The following SNAP91 variants were observed in gnomAD, a reference collection of about 807,000 sequenced individuals.
SNAP91 encodes clathrin coat assembly protein AP180.
A neutral mutation model predicts 100.3 loss-of-function variants in SNAP91; 27 were observed. The observed-to-expected ratio is 0.27, with a 90% confidence interval of 0.20 to 0.37. The LOEUF (loss-of-function observed/expected upper bound fraction) is 0.37. SNAP91 is among the 10% of genes least tolerant of loss of function. SNAP91 has a pLI of 1.00. For missense variants in SNAP91, 986 were observed against 1,123.7 expected (o/e 0.88, Z 1.75); for synonymous variants, 404 against 398.6 (o/e 1.01, Z -0.16).
At chr6:83,690,185 T>A (rs2099113401) in intron 2 of SNAP91, 1 of 693,824 alleles carries the variant, frequency 1.4e-6, no homozygotes, top group Non-Finnish European at 1.8e-6. Context: ...AGCAATAACT[T>A]AATTTGAATA....
At chr6:83,641,244 T>C in intron 7 of SNAP91, 42 bp from the exon 8 acceptor site, 3 of 892,566 alleles carry the variant, frequency 3.4e-6, no homozygotes, top group Non-Finnish European at 5.0e-6. Flanking sequence ...AAGAGTATTA[T>C]GTTCTATTTT....
chr6:83,671,788 G>T (rs1244481179), intron 2 of SNAP91, among the ~76,000 whole-genome samples: 1 of 151,936 alleles, frequency 6.6e-6, no homozygotes, highest in African/African-American at 2.4e-5. Flanking sequence ...TCAAATTTGT[G>T]GTCACCTACT....
chr6:83,573,727 G>T (rs1812831730), intron 26 of SNAP91, among the ~76,000 whole-genome samples: 1 of 152,200 alleles, frequency 6.6e-6, no homozygotes, highest in African/African-American at 2.4e-5. Context: ...AATAAATGAT[G>T]CTGGGAAAAC....
chr6:83,648,478 A>G (rs2098054428), intron 7 of SNAP91, among the ~76,000 whole-genome samples: 1 of 151,988 alleles, frequency 6.6e-6, no homozygotes, highest in Non-Finnish European at 1.5e-5. Context: ...CCAGGATATG[A>G]TCCTAGTGGG....
rs771542709 is a variant in SNAP91, at chr6:83,665,468, T to C, written c.244A>G (p.Thr82Ala). The change falls in exon 3 of 30, where the codon ACA becomes GCA. Residue 82 changes from threonine (T) to alanine (A), a missense_variant. By Grantham distance (58) the Thr-to-Ala change is moderately conservative. Coordinates refer to ENST00000369694, the MANE Select transcript of SNAP91 (RefSeq NM_001242792.2). Reference protein sequence around the residue: ...WVVVFKALVTTHHLMVHGNER... With the variant: ...WVVVFKALVTAHHLMVHGNER... ...TTTCCATGCACCATGAGATGATGTG[T>C]TGTCACTAAAGCCTTAAACACAACC... is the stretch of plus-strand genomic sequence containing the variant. The C allele has an allele frequency of 6.2e-7, 1 of 1,612,860 alleles. No homozygotes were observed. The highest frequency in any genetic ancestry group is 1.7e-5 in the Admixed American group (1 of 59,934).
chr6:83,598,182 T>C (rs2094708846), intron 16 of SNAP91, among the ~76,000 whole-genome samples: 1 of 152,200 alleles, frequency 6.6e-6, no homozygotes, highest in African/African-American at 2.4e-5. Context: ...TTTTTAAGGA[T>C]TTTGCCTTTT....
Position 83,560,721 on chromosome 6 carries a change from G to A in SNAP91, c.2526+143C>T, listed in dbSNP as rs546281807. 2.6e-4 allele frequency: 179 copies of A among 695,264 alleles called. 3 individuals carry two copies. In the South Asian group the frequency reaches 2.7e-3, roughly 11 times the overall value. The allele number at this position is 695,264 out of a possible 1,614,324, so 43.1% of individuals were successfully genotyped here. ...ATCACTTCATGTGTAGACTACCTAAGGTTTAAAGCAGATGACAACTTTTTA... is the reference window on the plus strand; with the variant it reads ...ATCACTTCATGTGTAGACTACCTAAAGTTTAAAGCAGATGACAACTTTTTA... On this transcript the variant is annotated intron_variant, in intron 27 of 29. Coordinates refer to ENST00000369694, the MANE Select transcript of SNAP91 (RefSeq NM_001242792.2).
chr6:83,708,017 C>G (rs901910682), intron 1 of SNAP91, 60 bp from the exon 2 acceptor site: 9 of 1,392,648 alleles, frequency 6.5e-6, no homozygotes, highest in African/African-American at 1.5e-5. Flanking sequence ...CTCCAAGCAC[C>G]CAGGCCTTGC....
intron 7 of SNAP91, among the ~76,000 whole-genome samples, chr6:83,651,008 G>A (rs557871498): frequency 1.3e-4 from 20 of 152,248 alleles, no homozygotes; most frequent in Non-Finnish European, 2.5e-4. Flanking sequence ...CTTTCAAGGA[G>A]TTGGTCCATT....
At chr6:83,621,773 A>G (rs1026146046) in intron 9 of SNAP91, among the ~76,000 whole-genome samples, 4 of 152,072 alleles carry the variant, frequency 2.6e-5, no homozygotes, top group African/African-American at 9.7e-5. Flanking sequence ...TTCTTAACTG[A>G]GAGCCTACTT....
At chr6:83,633,694 T>A (rs1175728870) in intron 8 of SNAP91, among the ~76,000 whole-genome samples, 1 of 152,072 alleles carries the variant, frequency 6.6e-6, no homozygotes, top group Admixed American at 6.6e-5. Flanking sequence ...TCAGCTCCCA[T>A]GCAATCCAAA....
intron 26 of SNAP91, among the ~76,000 whole-genome samples, chr6:83,561,829 C>A (rs1242644941): frequency 6.6e-6 from 1 of 152,120 alleles, no homozygotes; most frequent in Non-Finnish European, 1.5e-5. Context: ...GCGGTATGGG[C>A]AACATAGCAA....
chr6:83,681,433 T>G (rs1188988385), intron 2 of SNAP91, among the ~76,000 whole-genome samples: 1 of 152,158 alleles, frequency 6.6e-6, no homozygotes, highest in Non-Finnish European at 1.5e-5. Flanking sequence ...GAGAAAGATG[T>G]CTATTTCCTA....
chr6:83,612,008 A>AC (rs1391385197), intron 11 of SNAP91, among the ~76,000 whole-genome samples: 1 of 150,966 alleles, frequency 6.6e-6, no homozygotes, highest in African/African-American at 2.4e-5. Flanking sequence ...GGCATGAGCC[A>AC]CCGCGCCAGG....
At chr6:83,707,621 A>G (rs917325452) in intron 2 of SNAP91, among the ~76,000 whole-genome samples, 177 bp downstream of exon 2, 1 of 151,882 alleles carries the variant, frequency 6.6e-6, no homozygotes, top group Non-Finnish European at 1.5e-5. Context: ...CTCACAAGAC[A>G]AGGTTTCATG....
intron 26 of SNAP91, among the ~76,000 whole-genome samples, chr6:83,562,562 C>T (rs1236909343): frequency 1.3e-5 from 2 of 152,190 alleles, no homozygotes; most frequent in Non-Finnish European, 2.9e-5. Flanking sequence ...CCTCCCAGTT[C>T]CTTAAGGTGG....
intron 16 of SNAP91, 81 bp downstream of exon 16, chr6:83,601,190 C>A: frequency 1.5e-6 from 2 of 1,366,858 alleles, no homozygotes; most frequent in South Asian, 2.6e-5. Context: ...TGTTACATAA[C>A]GGAAAAAATT....
intron 5 of SNAP91, among the ~76,000 whole-genome samples, chr6:83,659,656 T>C (rs557890281): frequency 2.0e-4 from 31 of 152,076 alleles, no homozygotes; most frequent in African/African-American, 7.0e-4. Context: ...GGTCTTAAAC[T>C]CCTGACCTCA....
chr6:83,690,455 T>C, intron 2 of SNAP91: 1 of 1,245,826 alleles, frequency 8.0e-7, no homozygotes, highest in South Asian at 1.3e-5. Flanking sequence ...ACAATGCAGC[T>C]CAGTTACACA....
Sources: gnomAD v4.1 joint callset for allele counts (sites outside exome capture counted in the v4.1 genomes callset) on GRCh38, gnomAD v4.1.1 for gene constraint, MANE v1.5 for transcripts, NCBI Gene and HGNC (gene_info 2026-07-23, HGNC 2026-07-21) for gene names.